Variants in HDX observed in about 807,000 individuals in gnomAD.
HDX encodes the protein chromosome X open reading frame 43.
HDX carries 19 observed loss-of-function variants against 45.2 expected under a neutral mutation model. That is an observed-to-expected ratio of 0.42 (90% CI 0.29 to 0.62). The LOEUF is 0.62. Ranked by LOEUF, HDX falls within the 20% of genes least tolerant of loss-of-function variation. The probability of loss-of-function intolerance (pLI) is 0.20; values close to 1 mark genes in which losing one functional copy is unlikely to be tolerated. For missense variants in HDX, 532 were observed against 493.9 expected, an observed-to-expected ratio of 1.08 and a Z score of -0.73; for synonymous variants, 188 against 172.8, an observed-to-expected ratio of 1.09 and a Z score of -0.69.
Position 84,366,615 on chromosome X carries a change from G to T in HDX, c.1306-5003C>A, listed in dbSNP as rs184283807. ...AAGCTACAGTAAGCAAAACAGCATG[G>T]TACTGGTACCAAAACAGACAAATAG... On this transcript the variant is annotated intron_variant, in intron 5 of 10. Coordinates refer to ENST00000373177, the MANE Select transcript of HDX (RefSeq NM_001177479.2). 4.5e-5 allele frequency among the ~76,000 whole-genome samples: 5 copies of T among 111,468 alleles called. No homozygotes were observed. The Admixed American group carries it at 4.8e-4, about 11-fold the overall frequency.
intron 4 of HDX, among the ~76,000 whole-genome samples, chrX:84,463,412 G>T (rs2040281137): frequency 9.0e-6 from 1 of 110,870 alleles, no homozygotes. Flanking sequence ...AAGCACTAAA[G>T]TCCACAAGTA....
At chrX:84,386,667 T>C (rs898388430) in intron 5 of HDX, among the ~76,000 whole-genome samples, 4 of 111,700 alleles carry the variant, frequency 3.6e-5, no homozygotes, top group African/African-American at 1.3e-4. Context: ...TCTTGGAGCA[T>C]CTTATATTTC....
At chrX:84,329,930 T>C (rs1457297296) in intron 9 of HDX, among the ~76,000 whole-genome samples, 1 of 111,572 alleles carries the variant, frequency 9.0e-6, no homozygotes, top group Non-Finnish European at 1.9e-5. Flanking sequence ...TAGCATAATG[T>C]TCTCCAATTC....
intron 6 of HDX, among the ~76,000 whole-genome samples, chrX:84,359,744 T>C (rs2037573582): frequency 8.9e-6 from 1 of 111,747 alleles, no homozygotes; most frequent in Non-Finnish European, 1.9e-5. Context: ...TATTTCCGGT[T>C]TTAAGTCTTT....
chrX:84,341,432 A>AAG (rs976531084), intron 7 of HDX, among the ~76,000 whole-genome samples: 15 of 110,385 alleles, frequency 1.4e-4, no homozygotes, highest in African/African-American at 4.9e-4. Flanking sequence ...AATGTTAAGA[A>AAG]AGAGAGAGAG....
chrX:84,355,867 T>G (rs1194483245), intron 6 of HDX, among the ~76,000 whole-genome samples: 1 of 103,643 alleles, frequency 9.6e-6, no homozygotes, highest in African/African-American at 3.5e-5. Context: ...ATAAAAATAA[T>G]AATACTAAAG....
intron 10 of HDX, 103 bp downstream of exon 10, chrX:84,326,075 G>C: frequency 1.3e-6 from 1 of 763,853 alleles, no homozygotes; most frequent in Non-Finnish European, 2.0e-6. Flanking sequence ...TCCATGCCAA[G>C]CAGAAATGAA....
intron 5 of HDX, among the ~76,000 whole-genome samples, chrX:84,373,546 A>G (rs998849376): frequency 2.7e-5 from 3 of 110,662 alleles, no homozygotes; most frequent in Admixed American, 9.6e-5. Flanking sequence ...CAGCTCATCA[A>G]AAAGCTTATC....
intron 5 of HDX, among the ~76,000 whole-genome samples, chrX:84,371,935 C>A (rs942369234): frequency 9.0e-6 from 1 of 111,555 alleles, no homozygotes; most frequent in Non-Finnish European, 1.9e-5. Flanking sequence ...TGATTAGGCA[C>A]CAGTTATATG....
chrX:84,499,420 A>G (rs1201202974), intron 1 of HDX, among the ~76,000 whole-genome samples: 1 of 111,673 alleles, frequency 9.0e-6, no homozygotes, highest in Non-Finnish European at 1.9e-5. Flanking sequence ...TTCTATCCAG[A>G]GTTGCTTAAG....
chrX:84,375,190 A>G (rs1424727417), intron 5 of HDX, among the ~76,000 whole-genome samples: 10 of 108,004 alleles, frequency 9.3e-5, no homozygotes, highest in African/African-American at 3.1e-4. Flanking sequence ...CAAAATCACA[A>G]TGAGATACCA....
At chrX:84,383,955 T>TA (rs1236842066) in intron 5 of HDX, among the ~76,000 whole-genome samples, 1 of 111,445 alleles carries the variant, frequency 9.0e-6, no homozygotes, top group Non-Finnish European at 1.9e-5. Context: ...CCACTGTTGA[T>TA]AGACATTTAG....
intron 6 of HDX, among the ~76,000 whole-genome samples, chrX:84,349,023 C>A (rs2037270458): frequency 9.0e-6 from 1 of 111,352 alleles, no homozygotes; most frequent in Admixed American, 9.6e-5. Context: ...AAAAGTGTCA[C>A]CCCCTCCATG....
At chrX:84,329,866 C>T (rs780669432) in intron 9 of HDX, among the ~76,000 whole-genome samples, 84 of 111,258 alleles carry the variant, frequency 7.6e-4, no homozygotes, top group African/African-American at 2.3e-3. Context: ...TTTTTGATTG[C>T]GCACATTAAG....
chrX:84,481,762 C>G (rs1412259672), intron 2 of HDX, among the ~76,000 whole-genome samples: 1 of 110,893 alleles, frequency 9.0e-6, no homozygotes, highest in African/African-American at 3.3e-5. Flanking sequence ...AGGTTTCTTA[C>G]TTGGGTATAT....
intron 1 of HDX, among the ~76,000 whole-genome samples, chrX:84,497,021 A>G (rs1397558094): frequency 1.8e-5 from 2 of 110,936 alleles, no homozygotes; most frequent in African/African-American, 6.6e-5. Context: ...CATGATCATG[A>G]GTGAAATGGT....
chrX:84,475,207 G>A, intron 3 of HDX, 44 bp downstream of exon 3: 7 of 1,095,795 alleles, frequency 6.4e-6, no homozygotes, highest in Non-Finnish European at 7.4e-6. Flanking sequence ...AATATCACTT[G>A]TAATAAGAAG....
chrX:84,447,940 T>C (rs776032235), intron 4 of HDX, among the ~76,000 whole-genome samples: 1 of 111,623 alleles, frequency 9.0e-6, no homozygotes, highest in South Asian at 3.8e-4. Flanking sequence ...CCCTCCCCAG[T>C]AGCAGAGCTG....
chrX:84,453,982 G>GA (rs1412644639), intron 4 of HDX, among the ~76,000 whole-genome samples: 2 of 111,810 alleles, frequency 1.8e-5, no homozygotes, highest in Non-Finnish European at 1.9e-5. Flanking sequence ...GGCCAAAAGG[G>GA]AACCTGCTGC....
Sources: allele counts gnomAD v4.1 joint callset (sites outside exome capture counted in the v4.1 genomes callset), GRCh38; gene constraint gnomAD v4.1.1; transcripts MANE v1.5; gene names NCBI Gene and HGNC (gene_info 2026-07-23, HGNC 2026-07-21).